ESR2: variants seen among roughly 807,000 people sequenced by gnomAD.
The protein encoded by ESR2 is estrogen receptor beta.
Under a neutral mutation model 49.6 loss-of-function variants are expected in ESR2, and 36 were observed. The observed-to-expected ratio is 0.73, with a 90% CI of 0.56 to 0.96. The LOEUF is 0.96. Among genes scored for constraint, ESR2 ranks in the 40% least tolerant of loss-of-function variants. ESR2 has a pLI of 0.00. For missense variants in ESR2, 714 were observed against 693.0 expected (o/e 1.03, Z -0.34); for synonymous variants, 320 against 266.1 (o/e 1.20, Z -1.97).
intron 7 of ESR2, among the ~76,000 whole-genome samples, chr14:64,245,146 G>A (rs2075821361): frequency 6.6e-6 from 1 of 152,124 alleles, no homozygotes; most frequent in Non-Finnish European, 1.5e-5. Flanking sequence ...ACCTAGCAGT[G>A]AAAATTGTCC....
In ESR2 at chr14:64,257,359, C is replaced by G; in HGVS notation, c.958G>C (p.Val320Leu). Residue 320 changes from valine (V) to leucine (L), a missense_variant, in exon 6 of 9, where the codon GTG becomes CTG. By Grantham distance (32) the Val-to-Leu change is conservative. Coordinates refer to ENST00000341099, the MANE Select transcript of ESR2 (RefSeq NM_001437.3). ...ISWAKKIPGF[V>L]ELSLFDQVRL... ...ACTTGGTCGAACAGGCTGAGCTCCA[C>G]AAAGCCTGGGGAAAGCAAGAGGCGG... 6.2e-7 allele frequency: 1 copy of G among 1,612,842 alleles called. No homozygotes were observed. Among genetic ancestry groups the G allele is most frequent in the South Asian group, 1.1e-5 (1 of 91,014 alleles).
At chr14:64,239,596 T>G (rs1344802591) in intron 7 of ESR2, among the ~76,000 whole-genome samples, 2 of 152,202 alleles carry the variant, frequency 1.3e-5, no homozygotes, top group Non-Finnish European at 2.9e-5. Flanking sequence ...AAGGGAGGAT[T>G]TGGGTGGCAA....
At chr14:64,278,302 C>T (rs940129267) in intron 3 of ESR2, among the ~76,000 whole-genome samples, 10 of 152,074 alleles carry the variant, frequency 6.6e-5, no homozygotes, top group African/African-American at 1.9e-4. Context: ...GAGGTGAAGT[C>T]GCAGAGCTAG....
chr14:64,334,840 T>A (rs2077509296), intron 1 of ESR2, among the ~76,000 whole-genome samples: 2 of 152,172 alleles, frequency 1.3e-5, no homozygotes, highest in South Asian at 4.1e-4. Flanking sequence ...AGAGACGGGG[T>A]TTCACCATGT....
At chr14:64,302,158 A>ATTTTTTTT (rs557296130) in intron 1 of ESR2, among the ~76,000 whole-genome samples, 1 of 113,288 alleles carries the variant, frequency 8.8e-6, no homozygotes, top group Non-Finnish European at 1.8e-5. Context: ...TTTATTTTTT[A>ATTTTTTTT]TTTTTATTTA....
At chr14:64,244,854 A>G (rs955534484) in intron 7 of ESR2, among the ~76,000 whole-genome samples, 1 of 152,178 alleles carries the variant, frequency 6.6e-6, no homozygotes, top group Non-Finnish European at 1.5e-5. Context: ...GTTTCTCTGG[A>G]GAAACCTAAC....
intron 7 of ESR2, among the ~76,000 whole-genome samples, chr14:64,245,577 G>A (rs1001166899): frequency 2.1e-5 from 3 of 145,224 alleles, no homozygotes; most frequent in African/African-American, 5.1e-5. Context: ...AATTTTACTC[G>A]TTTACTGCCA....
chr14:64,287,220 C>T (rs960672991), intron 1 of ESR2, among the ~76,000 whole-genome samples: 1 of 152,156 alleles, frequency 6.6e-6, no homozygotes, highest in Non-Finnish European at 1.5e-5. Context: ...TTCCCCCAGC[C>T]CCTGGCAACC....
Position 64,231,379 on chromosome 14 carries a change from T to G in ESR2, c.*1758A>C, listed in dbSNP as rs1252521218. On this transcript the variant is annotated 3_prime_UTR_variant, in exon 9 of 9. Coordinates refer to ENST00000341099, the MANE Select transcript of ESR2 (RefSeq NM_001437.3). ...GGAGGAAAGAAGCTGACACTAACACTGGTTCCCTGGTTCCTATGAAACCAA... is the reference window on the plus strand; with the variant it reads ...GGAGGAAAGAAGCTGACACTAACACGGGTTCCCTGGTTCCTATGAAACCAA... 6.6e-6 allele frequency: 1 copy of G among 152,176 alleles called. No individual in the cohort carries two copies. Among genetic ancestry groups the G allele is most frequent in the Non-Finnish European group, 1.5e-5 (1 of 68,030 alleles). 9.4% of individuals were successfully genotyped at this position (152,176 alleles called of 1,614,324 possible).
At chr14:64,264,826 A>G (rs957908841) in intron 4 of ESR2, among the ~76,000 whole-genome samples, 1 of 149,926 alleles carries the variant, frequency 6.7e-6, no homozygotes, top group Admixed American at 6.7e-5. Context: ...GTAAGCCAAG[A>G]TTGCACCACT....
rs549204202 is a variant in ESR2, at chr14:64,281,436, AAAG to A, written c.362+1185_362+1187del. Among the ~76,000 whole-genome samples the A allele has an allele frequency of 1.3e-3, 195 of 152,302 alleles. 1 individual carries two copies. In the Middle Eastern group the frequency reaches 0.017, roughly 13 times the overall value. Reference sequence around the variant, plus strand: ...TCAGAAACAAAATATGTCTTCCTTTAAAGGAGGAAGGAGAAAAAAAAAACAAAC... The same window carrying A: ...TCAGAAACAAAATATGTCTTCCTTTAGAGGAAGGAGAAAAAAAAAACAAAC... On this transcript the variant is annotated intron_variant, in intron 2 of 8. Coordinates refer to ENST00000341099, the MANE Select transcript of ESR2 (RefSeq NM_001437.3).
chr14:64,308,172 G>A (rs564555439), intron 1 of ESR2, among the ~76,000 whole-genome samples: 52 of 152,072 alleles, frequency 3.4e-4, no homozygotes, highest in Admixed American at 1.2e-3. Flanking sequence ...ATGACACCCT[G>A]CCCAGCTAAT....
intron 3 of ESR2, among the ~76,000 whole-genome samples, chr14:64,277,427 C>T (rs2776606): frequency 0.045 from 6,878 of 151,982 alleles, 516 homozygotes; most frequent in East Asian, 0.37. Context: ...AGATCGAGAC[C>T]ATCCTGGCTA....
In ESR2 at chr14:64,282,633, G is replaced by T; in HGVS notation, c.353C>A (p.Pro118His). The T allele has an allele frequency of 6.3e-7, 1 of 1,599,916 alleles. No homozygotes were observed. The highest frequency in any genetic ancestry group is 8.6e-7 in the Non-Finnish European group (1 of 1,168,530). Residue 118 changes from proline to histidine, a missense_variant, in exon 2 of 9, where the codon CCT becomes CAT. By Grantham distance (77) the Pro-to-His change is moderately conservative. Transcript: ENST00000341099. Reference protein sequence around the residue: ...CEARSLEHTLPVNRETLKRKV... With the variant: ...CEARSLEHTLHVNRETLKRKV... The stretch of plus-strand genomic sequence containing the variant: ...TGAAGACTGGACTTACCTGTTTACA[G>T]GTAAGGTGTGTTCTAGCGATCTTGC...
At position 64,262,882 on chromosome 14, in the gene ESR2, G is replaced by C. The variant is rs538047351; in HGVS notation, c.653-2134C>G. Among the ~76,000 whole-genome samples, 3 of 152,306 alleles carry C rather than the reference G, an allele frequency of 2.0e-5. No homozygotes were observed. The South Asian group carries it at 6.2e-4, about 32-fold the overall frequency. ...GCCAAGATCACACCACTGCACTCCA[G>C]CCTGGGTGACACAGCGAGACTCTGT... On this transcript the variant is annotated intron_variant, in intron 4 of 8. Coordinates refer to ENST00000341099, the MANE Select transcript of ESR2 (RefSeq NM_001437.3).
chr14:64,247,332 A>AAAACAAAC (rs143367822), intron 7 of ESR2, among the ~76,000 whole-genome samples: 4 of 151,328 alleles, frequency 2.6e-5, no homozygotes, highest in Non-Finnish European at 5.9e-5. Flanking sequence ...GCTCTGTCTC[A>AAAACAAAC]AAACAAACAA....
intron 3 of ESR2, among the ~76,000 whole-genome samples, chr14:64,278,256 G>A (rs558418678): frequency 6.6e-6 from 1 of 152,272 alleles, no homozygotes; most frequent in Admixed American, 6.5e-5. Flanking sequence ...AAATCCCTAT[G>A]AGTATCTCCA....
intron 7 of ESR2, among the ~76,000 whole-genome samples, chr14:64,242,477 TG>T (rs1266157477): frequency 6.6e-6 from 1 of 150,426 alleles, no homozygotes; most frequent in African/African-American, 2.4e-5. Context: ...TAAAATCATA[TG>T]GTTTTTCATT....
At chr14:64,300,712 C>T (rs953384078) in intron 1 of ESR2, among the ~76,000 whole-genome samples, 3 of 152,072 alleles carry the variant, frequency 2.0e-5, no homozygotes, top group Admixed American at 6.5e-5. Flanking sequence ...GCTAAGATCA[C>T]ACCACTGCAC....
Sources: gnomAD v4.1 joint callset for allele counts (sites outside exome capture counted in the v4.1 genomes callset) on GRCh38, gnomAD v4.1.1 for gene constraint, MANE v1.5 for transcripts, NCBI Gene and HGNC (gene_info 2026-07-23, HGNC 2026-07-21) for gene names.